Variants in TTL observed in about 807,000 individuals in gnomAD.
TTL encodes tubulin tyrosine ligase.
TTL carries 10 observed loss-of-function variants against 41.1 expected under a neutral mutation model. That is an observed-to-expected ratio of 0.24 (90% CI 0.15 to 0.41). The LOEUF is 0.41. Ranked by LOEUF, TTL falls within the 10% of genes least tolerant of loss-of-function variation. The pLI is 1.00. For missense variants in TTL, 367 were observed against 460.4 expected, an observed-to-expected ratio of 0.80 and a Z score of 1.86; for synonymous variants, 175 against 175.5, an observed-to-expected ratio of 1.00 and a Z score of 0.02.
In TTL at chr2:112,494,215, C is replaced by A; in HGVS notation, c.309C>A (p.Thr103=). The A allele has an allele frequency of 6.2e-7, 1 of 1,614,202 alleles. No individual in the cohort carries two copies. The highest frequency in any genetic ancestry group is 8.5e-7 in the Non-Finnish European group (1 of 1,180,032). Residue 103 remains threonine, a synonymous_variant, in exon 3 of 7, where the codon ACC becomes ACA. Transcript: ENST00000233336. ...WFPESYVIYP[T]NLKTPVAPAQ... The stretch of plus-strand genomic sequence containing the variant: ...CTGAATCTTATGTGATTTATCCAAC[C>A]AATCTCAAGACTCCAGTTGCTCCAG...
intron 2 of TTL, among the ~76,000 whole-genome samples, chr2:112,487,431 G>A (rs1271979740): frequency 6.6e-6 from 1 of 152,174 alleles, no homozygotes; most frequent in Non-Finnish European, 1.5e-5. Flanking sequence ...TATTCACTTA[G>A]AAATTCTTAT....
rs531086473 is a variant in TTL at position 112,482,845 on chromosome 2, G to A, written c.157+344G>A. ...CCGGGCCGAAGCCCCCAGATTTGGCGGGTCCGCCGCGCTGGGCGCGGCTCC... is the reference window on the plus strand; with the variant it reads ...CCGGGCCGAAGCCCCCAGATTTGGCAGGTCCGCCGCGCTGGGCGCGGCTCC... On this transcript the variant is annotated intron_variant, in intron 1 of 6. Coordinates refer to ENST00000233336, the MANE Select transcript of TTL (RefSeq NM_153712.5). This position sits in a 1 kb window ranked among gnomAD's most constrained non-coding sequence, Gnocchi z 5.3. Among the ~76,000 whole-genome samples, 1 of 152,190 alleles carries A rather than the reference G, an allele frequency of 6.6e-6. No homozygotes were observed. Among genetic ancestry groups the A allele is most frequent in the Admixed American group, 6.5e-5 (1 of 15,288 alleles).
At position 112,535,065 on chromosome 2, in the gene TTL, AAAG is replaced by A. The variant is rs900985743; in HGVS notation, c.*6272_*6274del. 2 of 152,080 alleles carry A rather than the reference AAAG, an allele frequency of 1.3e-5. No individual in the cohort carries two copies. The highest frequency in any genetic ancestry group is 2.9e-5 in the Non-Finnish European group (2 of 68,006). 9.4% of individuals were successfully genotyped at this position (152,080 alleles called of 1,614,324 possible). On this transcript the variant is annotated 3_prime_UTR_variant, in exon 7 of 7. Transcript: ENST00000233336. ...GAAAAGAGAAAGATTGAGAAAGAAA[AAAG>A]AGAAAGAAGAAAGAAAAGAAAAAAG...
Position 112,528,714 on chromosome 2 carries a change from G to A in TTL, c.1053G>A (p.Val351=). 1.2e-6 allele frequency: 2 copies of A among 1,614,130 alleles called. No individual in the cohort carries two copies. The highest frequency in any genetic ancestry group is 8.5e-7 in the Non-Finnish European group (1 of 1,180,020). ...ATGCAGAACTGTGCCAAGGCATCGT[G>A]GACATAGCCATTTCCAGTGTCTTCC... ...KLYAELCQGI[V]DIAISSVFPP... is the part of the protein sequence containing the mutation. The change falls in exon 7 of 7, where the codon GTG becomes GTA. Residue 351 remains valine, a synonymous_variant. Coordinates refer to ENST00000233336, the MANE Select transcript of TTL (RefSeq NM_153712.5).
In TTL at chr2:112,538,481, G is replaced by C. The variant is rs7565714; in HGVS notation, c.*9686G>C. 1 of 151,966 alleles carries C rather than the reference G, an allele frequency of 6.6e-6. No individual in the cohort carries two copies. The highest frequency in any genetic ancestry group is 6.5e-5 in the Admixed American group (1 of 15,270). The allele number at this position is 151,966 out of a possible 1,614,324, so 9.4% of individuals were successfully genotyped here. A position where few individuals can be genotyped will look rare whatever the true frequency, so the allele number is the denominator to read the frequency against. ...AGTTTGGAATAACTCATGTTCTCTT[G>C]TAAGTGGAAGCTAGGCTGAGCACGG... On this transcript the variant is annotated 3_prime_UTR_variant, in exon 7 of 7. Coordinates refer to ENST00000233336, the MANE Select transcript of TTL (RefSeq NM_153712.5).
chr2:112,498,455 A>AGAG (rs1239095525), intron 3 of TTL, among the ~76,000 whole-genome samples: 2 of 152,218 alleles, frequency 1.3e-5, no homozygotes, highest in Non-Finnish European at 2.9e-5. Context: ...AGGAAGTCAA[A>AGAG]GAGGACCTAA....
At chr2:112,524,453 C>T (rs1026430684) in intron 6 of TTL, among the ~76,000 whole-genome samples, 1 of 152,172 alleles carries the variant, frequency 6.6e-6, no homozygotes, top group Non-Finnish European at 1.5e-5. Context: ...CTCTCCAGCA[C>T]CTGTTGCTTC....
intron 2 of TTL, among the ~76,000 whole-genome samples, chr2:112,493,226 A>G (rs551548687): frequency 6.6e-6 from 1 of 152,292 alleles, no homozygotes; most frequent in South Asian, 2.1e-4. Flanking sequence ...TGTTCTAAAC[A>G]GAAGAGGGAG....
Position 112,528,755 on chromosome 2 carries a change from A to C in TTL, c.1094A>C (p.Glu365Ala), listed in dbSNP as rs1197606633. Residue 365 changes from glutamate (E) to alanine (A), a missense_variant, in exon 7 of 7, where the codon GAG becomes GCG. Transcript: ENST00000233336. ...ISSVFPPPDV[E>A]QPQTQPAAFI... Reference sequence around the variant, plus strand: ...AGTGTCTTCCCACCCCCAGATGTGGAGCAACCTCAGACCCAGCCAGCTGCC... The same window carrying C: ...AGTGTCTTCCCACCCCCAGATGTGGCGCAACCTCAGACCCAGCCAGCTGCC... 1 of 1,614,168 alleles carries C rather than the reference A, an allele frequency of 6.2e-7. No homozygotes were observed.
At chr2:112,519,592 A>C (rs1368543057) in intron 5 of TTL, among the ~76,000 whole-genome samples, 1 of 147,984 alleles carries the variant, frequency 6.8e-6, no homozygotes, top group East Asian at 2.0e-4. Flanking sequence ...CCCTTCACCA[A>C]AGGGCAGTCC....
In TTL at chr2:112,485,978, C is replaced by T. The variant is rs751875237; in HGVS notation, c.219C>T (p.Arg73=). 3 of 1,614,040 alleles carry T rather than the reference C, an allele frequency of 1.9e-6. No homozygotes were observed. The African/African-American group carries it at 4.0e-5, about 22-fold the overall frequency. The change falls in exon 2 of 7, where the codon CGC becomes CGT. Residue 73 remains arginine (R), a synonymous_variant. Transcript: ENST00000233336. ...NYYRGADKLC[R]KASLVKLIKT... is the part of the protein sequence containing the mutation. The stretch of plus-strand genomic sequence containing the variant: ...ACAGGGGTGCTGACAAACTGTGTCG[C>T]AAAGCTTCTTTAGTGAAGTAAGTGT...
chr2:112,527,343 G>C (rs1022245753), intron 6 of TTL, among the ~76,000 whole-genome samples: 55 of 152,296 alleles, frequency 3.6e-4, no homozygotes, highest in African/African-American at 1.3e-3. Flanking sequence ...TTGGTGCAGA[G>C]CTGAGTTCAA....
intron 6 of TTL, 172 bp downstream of exon 6, chr2:112,520,597 C>A: frequency 3.5e-6 from 3 of 853,090 alleles, no homozygotes; most frequent in African/African-American, 1.9e-5. Context: ...CACTTCCTTT[C>A]CTATTTCCCC....
At chr2:112,495,403 C>T (rs1681498974) in intron 3 of TTL, among the ~76,000 whole-genome samples, 1 of 152,194 alleles carries the variant, frequency 6.6e-6, no homozygotes, top group Admixed American at 6.5e-5. Context: ...CTTGTACCTT[C>T]CTCATAGGCA....
chr2:112,520,173 T>C lies in TTL; in HGVS notation c.876-109T>C, dbSNP rs1364521983. On this transcript the variant is annotated intron_variant, in intron 5 of 6. Coordinates refer to ENST00000233336, the MANE Select transcript of TTL (RefSeq NM_153712.5). ...AAAGGAAACAGAGAATTAAAGCTGA[T>C]AAGCTGATATTTGTATTCATCTCAT... 5.5e-6 allele frequency: 6 copies of C among 1,089,936 alleles called. No homozygotes were observed. The Admixed American group carries it at 1.4e-4, about 25-fold the overall frequency. The allele number at this position is 1,089,936 out of a possible 1,614,324, so 67.5% of individuals were successfully genotyped here. A position where few individuals can be genotyped will look rare whatever the true frequency, so the allele number is the denominator to read the frequency against.
chr2:112,528,182 G>T (rs184515211), intron 6 of TTL, among the ~76,000 whole-genome samples: 2 of 152,120 alleles, frequency 1.3e-5, no homozygotes, highest in Non-Finnish European at 2.9e-5. Context: ...CGAGAGATCC[G>T]CTATTAGTCT....
At chr2:112,522,973 C>T (rs1322198397) in intron 6 of TTL, among the ~76,000 whole-genome samples, 2 of 152,180 alleles carry the variant, frequency 1.3e-5, no homozygotes, top group East Asian at 1.9e-4. Context: ...TGTGTAAAGT[C>T]GACACCAGAC....
At chr2:112,485,601 G>A (rs1183946686) in intron 1 of TTL, among the ~76,000 whole-genome samples, 1 of 152,204 alleles carries the variant, frequency 6.6e-6, no homozygotes, top group East Asian at 1.9e-4. Flanking sequence ...GGAATGCAGT[G>A]TGCAGTCAGG....
At position 112,528,840 on chromosome 2, in the gene TTL, T is replaced by C. The variant is rs912828330; in HGVS notation, c.*45T>C. ...CCTTGGAAAAAGCACGGGGTCCTGC[T>C]CCAGGGAATGGTGAAATGACTGGAT... On this transcript the variant is annotated 3_prime_UTR_variant, in exon 7 of 7. Transcript: ENST00000233336. 58 of 1,435,092 alleles carry C rather than the reference T, an allele frequency of 4.0e-5. No homozygotes were observed. Among genetic ancestry groups the C allele is most frequent in the Non-Finnish European group, 5.3e-5 (54 of 1,017,272 alleles). 88.9% of individuals were successfully genotyped at this position (1,435,092 alleles called of 1,614,324 possible). A position where few individuals can be genotyped will look rare whatever the true frequency, so the allele number is the denominator to read the frequency against.
Sources: gnomAD v4.1 joint callset for allele counts (sites outside exome capture counted in the v4.1 genomes callset) on GRCh38, gnomAD v4.1.1 for gene constraint, Gnocchi (gnomAD v3.1) non-coding constraint, MANE v1.5 for transcripts, NCBI Gene and HGNC (gene_info 2026-07-23, HGNC 2026-07-21) for gene names.